Variants in SPMIP2 observed in about 807,000 individuals in gnomAD.
SPMIP2 encodes sperm microtubule inner protein 2, also known as protein SPMIP2.
the SPMIP2 span, among the ~76,000 whole-genome samples, chr4:158,959,802 G>T: frequency 6.6e-6 from 1 of 152,128 alleles, no homozygotes; most frequent in African/African-American, 2.4e-5. Flanking sequence ...TTTCATTTGG[G>T]TCAGAAGCTG....
the SPMIP2 span, among the ~76,000 whole-genome samples, chr4:158,901,128 A>AT: frequency 0.091 from 10,155 of 112,204 alleles, 664 homozygotes; most frequent in South Asian, 0.13. Context: ...CTGGGTTGAA[A>AT]TTTTTTTTTT....
chr4:159,075,920 A>C, the SPMIP2 span, among the ~76,000 whole-genome samples: 1 of 152,070 alleles, frequency 6.6e-6, no homozygotes, highest in Admixed American at 6.5e-5. Context: ...CAGAAAAAAA[A>C]CCCTGGCTGG....
At chr4:159,045,030 G>T in the SPMIP2 span, among the ~76,000 whole-genome samples, 1 of 151,798 alleles carries the variant, frequency 6.6e-6, no homozygotes, top group South Asian at 2.1e-4. Flanking sequence ...GGTGGCAGTC[G>T]CAGTGAGCCG....
chr4:158,965,313 G>T, the SPMIP2 span, among the ~76,000 whole-genome samples: 1 of 151,810 alleles, frequency 6.6e-6, no homozygotes, highest in Non-Finnish European at 1.5e-5. Context: ...GATTTGTGAT[G>T]GATGACCAGC....
At chr4:159,040,422 C>T in the SPMIP2 span, among the ~76,000 whole-genome samples, 2 of 151,910 alleles carry the variant, frequency 1.3e-5, no homozygotes, top group Admixed American at 1.3e-4. Flanking sequence ...CCGCCCACCT[C>T]GGCCTCCCAA....
chr4:158,922,934 C>T, the SPMIP2 span, among the ~76,000 whole-genome samples: 1 of 152,178 alleles, frequency 6.6e-6, no homozygotes, highest in Non-Finnish European at 1.5e-5. Flanking sequence ...AATAATATTT[C>T]ATGGTATGGA....
chr4:158,919,546 T>C, the SPMIP2 span, among the ~76,000 whole-genome samples: 1 of 152,222 alleles, frequency 6.6e-6, no homozygotes, highest in Non-Finnish European at 1.5e-5. Context: ...CCATTACTGA[T>C]GATGTTCACT....
chr4:158,929,394 A>G, the SPMIP2 span, among the ~76,000 whole-genome samples: 1 of 152,054 alleles, frequency 6.6e-6, no homozygotes, highest in South Asian at 2.1e-4. Context: ...GGTAGGATTT[A>G]TGTCTGTTAT....
At chr4:159,062,826 C>CT in the SPMIP2 span, among the ~76,000 whole-genome samples, 4 of 149,786 alleles carry the variant, frequency 2.7e-5, no homozygotes, top group African/African-American at 9.8e-5. Context: ...GTAGCTAAGA[C>CT]TACAGGTGTG....
At chr4:159,002,972 T>C in the SPMIP2 span, among the ~76,000 whole-genome samples, 25 of 152,188 alleles carry the variant, frequency 1.6e-4, 1 homozygote, top group Non-Finnish European at 3.1e-4. Flanking sequence ...CTTCTTCAAT[T>C]TCCACTGTTC....
At chr4:158,973,362 A>G in the SPMIP2 span, 1 of 1,200,244 alleles carries the variant, frequency 8.3e-7, no homozygotes, top group African/African-American at 1.5e-5. Flanking sequence ...ATTCTAAGAT[A>G]CTTTTGTTAT....
At chr4:158,930,563 C>A in the SPMIP2 span, among the ~76,000 whole-genome samples, 1 of 151,088 alleles carries the variant, frequency 6.6e-6, no homozygotes, top group African/African-American at 2.4e-5. Flanking sequence ...GGGATCAGAG[C>A]TCACTGCAGC....
the SPMIP2 span, among the ~76,000 whole-genome samples, chr4:158,996,229 T>G: frequency 2.6e-5 from 4 of 152,232 alleles, no homozygotes; most frequent in African/African-American, 9.6e-5. Context: ...TCAAAAATTT[T>G]GTAAACATCC....
chr4:158,909,391 A>G, the SPMIP2 span: 1 of 152,158 alleles, frequency 6.6e-6, no homozygotes, highest in East Asian at 1.9e-4. Flanking sequence ...CAGCTCTCCA[A>G]GGATGGCTTC....
At chr4:159,055,191 G>A in the SPMIP2 span, among the ~76,000 whole-genome samples, 1 of 152,302 alleles carries the variant, frequency 6.6e-6, no homozygotes, top group African/African-American at 2.4e-5. Flanking sequence ...TCAGTGACAG[G>A]AAAAGCATGT....
the SPMIP2 span, among the ~76,000 whole-genome samples, chr4:158,899,511 A>G: frequency 2.6e-5 from 4 of 151,838 alleles, no homozygotes; most frequent in East Asian, 7.7e-4. Flanking sequence ...GCTATTAATT[A>G]CTGCCTCAAT....
the SPMIP2 span, among the ~76,000 whole-genome samples, chr4:158,972,048 T>C: frequency 0.18 from 26,667 of 152,126 alleles, 3,106 homozygotes; most frequent in Non-Finnish European, 0.26. Flanking sequence ...CCTCCTGGAC[T>C]GCCATAGTTT....
At chr4:158,999,434 AT>A in the SPMIP2 span, among the ~76,000 whole-genome samples, 2 of 152,190 alleles carry the variant, frequency 1.3e-5, no homozygotes, top group East Asian at 3.8e-4. Context: ...GGCCAGGGTA[AT>A]TTAGACCAGT....
the SPMIP2 span, among the ~76,000 whole-genome samples, chr4:159,064,954 T>C: frequency 6.6e-6 from 1 of 152,234 alleles, no homozygotes; most frequent in African/African-American, 2.4e-5. Flanking sequence ...GAGTTTTCTA[T>C]TTGGTTCCAT....
Sources: gnomAD v4.1 joint callset for allele counts (sites outside exome capture counted in the v4.1 genomes callset) on GRCh38, gnomAD v4.1.1 for gene constraint, MANE v1.5 for transcripts, NCBI Gene and HGNC (gene_info 2026-07-23, HGNC 2026-07-21) for gene names.